The following DPP10 variants were observed in gnomAD, a reference collection of about 807,000 sequenced individuals.
DPP10 encodes the protein inactive dipeptidyl peptidase 10.
A neutral mutation model predicts 120.9 loss-of-function variants in DPP10; 33 were observed. That is an observed-to-expected ratio of 0.27 (90% CI 0.21 to 0.37). The LOEUF is 0.37. Among genes scored for constraint, DPP10 ranks in the 10% least tolerant of loss-of-function variants. DPP10 has a pLI of 1.00. For synonymous variants in DPP10, 337 were observed against 326.1 expected (o/e 1.03, Z -0.36); for missense variants, 816 against 942.8 (o/e 0.87, Z 1.76).
chr2:114,900,600 T>A (rs1385110984), intron 1 of DPP10, among the ~76,000 whole-genome samples: 3 of 152,234 alleles, frequency 2.0e-5, no homozygotes, highest in Non-Finnish European at 4.4e-5. Flanking sequence ...TAGTGTTTTG[T>A]TCATTTACGT....
At chr2:115,643,536 A>G (rs1407821232) in intron 5 of DPP10, among the ~76,000 whole-genome samples, 1 of 152,198 alleles carries the variant, frequency 6.6e-6, no homozygotes, top group African/African-American at 2.4e-5. Flanking sequence ...ACAAAAGGTT[A>G]GGTGTCTAAC....
At chr2:114,504,209 C>G (rs1241006399) in intron 1 of DPP10, among the ~76,000 whole-genome samples, 1 of 152,066 alleles carries the variant, frequency 6.6e-6, no homozygotes, top group South Asian at 2.1e-4. Flanking sequence ...CTTCAATAGC[C>G]TTCTATTTAG....
chr2:114,587,579 T>C (rs1691110411), intron 1 of DPP10, among the ~76,000 whole-genome samples: 1 of 152,144 alleles, frequency 6.6e-6, no homozygotes, highest in African/African-American at 2.4e-5. Context: ...CTGGAGCTTG[T>C]GGTGCTTACA....
chr2:114,461,956 C>A, intron 1 of DPP10: 1 of 985,256 alleles, frequency 1.0e-6, no homozygotes, highest in Non-Finnish European at 1.2e-6. Flanking sequence ...AATGAGGCCT[C>A]GACCATCTAA....
intron 1 of DPP10, among the ~76,000 whole-genome samples, chr2:114,996,850 C>T (rs147145130): frequency 1.2e-3 from 186 of 151,842 alleles, no homozygotes; most frequent in African/African-American, 4.3e-3. Flanking sequence ...GGCGTGGTGG[C>T]GCACAGCTGT....
intron 11 of DPP10, 77 bp from the exon 12 acceptor site, chr2:115,762,495 G>A (rs1316037018): frequency 1.6e-5 from 24 of 1,490,434 alleles, no homozygotes; most frequent in South Asian, 9.1e-5. Context: ...ACTGATAACC[G>A]TGTTTTAAAA....
chr2:115,210,473 A>G (rs1441553106), intron 1 of DPP10, among the ~76,000 whole-genome samples: 1 of 152,142 alleles, frequency 6.6e-6, no homozygotes, highest in African/African-American at 2.4e-5. Flanking sequence ...TAGTGCCGCA[A>G]TAAACGTGTG....
intron 1 of DPP10, among the ~76,000 whole-genome samples, chr2:114,748,195 G>GT (rs1347003834): frequency 1.3e-5 from 2 of 151,564 alleles, no homozygotes; most frequent in South Asian, 2.1e-4. Flanking sequence ...TTTCGTTTTT[G>GT]TTTTTTTGTT....
At chr2:115,341,486 T>A (rs2063444629) in intron 2 of DPP10, among the ~76,000 whole-genome samples, 1 of 152,118 alleles carries the variant, frequency 6.6e-6, no homozygotes, top group Non-Finnish European at 1.5e-5. Flanking sequence ...TCTGTTTGGA[T>A]TCACTTTCCA....
intron 5 of DPP10, among the ~76,000 whole-genome samples, chr2:115,618,467 G>A (rs1251698199): frequency 1.3e-5 from 2 of 152,138 alleles, no homozygotes; most frequent in African/African-American, 4.8e-5. Flanking sequence ...AGGAAAGCAA[G>A]TTTAAAGGTT....
chr2:114,942,316 T>TAC (rs1696988087), intron 1 of DPP10, among the ~76,000 whole-genome samples: 1 of 125,024 alleles, frequency 8.0e-6, no homozygotes, highest in Non-Finnish European at 1.6e-5. Flanking sequence ...TATATATATA[T>TAC]ATATACACAC....
intron 1 of DPP10, among the ~76,000 whole-genome samples, chr2:115,294,527 G>A (rs890681730): frequency 6.6e-5 from 10 of 151,750 alleles, no homozygotes; most frequent in African/African-American, 2.2e-4. Context: ...TTTTTGGGGG[G>A]AAGGGGACTT....
chr2:115,823,301 C>T lies in DPP10; in HGVS notation c.1950+7572C>T, dbSNP rs554493955. On this transcript the variant is annotated intron_variant, in intron 21 of 25. Coordinates refer to ENST00000410059, the MANE Select transcript of DPP10 (RefSeq NM_020868.6). ...ACACAAACCAAGTGTGGACTTATGG[C>T]TCAAATTTTTAGTCAATATTAATTA... Among the ~76,000 whole-genome samples, 135 of 152,222 alleles carry T rather than the reference C, an allele frequency of 8.9e-4. 2 individuals are homozygous for T. Among genetic ancestry groups the T allele is most frequent in the Middle Eastern group, 6.8e-3 (2 of 294 alleles).
intron 1 of DPP10, among the ~76,000 whole-genome samples, chr2:114,975,946 C>T (rs963594509): frequency 6.6e-6 from 1 of 152,160 alleles, no homozygotes. Flanking sequence ...CCACTGTACC[C>T]AGCCAATCAA....
At chr2:115,668,230 A>C (rs1322944374) in intron 5 of DPP10, among the ~76,000 whole-genome samples, 1 of 151,810 alleles carries the variant, frequency 6.6e-6, no homozygotes, top group African/African-American at 2.4e-5. Context: ...TGTTCCCGCC[A>C]ACATTGATGT....
At chr2:114,777,679 G>C (rs1342864846) in intron 1 of DPP10, among the ~76,000 whole-genome samples, 1 of 152,004 alleles carries the variant, frequency 6.6e-6, no homozygotes, top group African/African-American at 2.4e-5. Context: ...TCATCTCAAA[G>C]CTTCTATCAG....
chr2:114,552,789 AC>A (rs35625314), intron 1 of DPP10, among the ~76,000 whole-genome samples: 1 of 152,066 alleles, frequency 6.6e-6, no homozygotes, highest in African/African-American at 2.4e-5. Context: ...CAGGTGATCC[AC>A]CCACCTTCGC....
chr2:115,178,251 G>A (rs1009287287), intron 1 of DPP10, among the ~76,000 whole-genome samples: 2 of 152,042 alleles, frequency 1.3e-5, no homozygotes, highest in Non-Finnish European at 2.9e-5. Context: ...ACAAAGAGTA[G>A]GTGCTCATTA....
chr2:115,069,128 C>T (rs1234339030), intron 1 of DPP10, among the ~76,000 whole-genome samples: 1 of 151,902 alleles, frequency 6.6e-6, no homozygotes, highest in Admixed American at 6.5e-5. Context: ...TGCATTGATT[C>T]TGTATTTGTT....
Sources: allele counts gnomAD v4.1 joint callset (sites outside exome capture counted in the v4.1 genomes callset), GRCh38; gene constraint gnomAD v4.1.1; transcripts MANE v1.5; gene names NCBI Gene and HGNC (gene_info 2026-07-23, HGNC 2026-07-21).